GPC5: variants seen among roughly 807,000 people sequenced by gnomAD.
The protein encoded by GPC5 is glypican-5.
In GPC5, 47 loss-of-function variants were observed where a neutral mutation model predicts 53.9. The ratio of observed to expected loss-of-function variants is 0.87; its 90% CI spans 0.69 to 1.11. The LOEUF (loss-of-function observed/expected upper bound fraction) is 1.11. GPC5 is among the 50% of genes most tolerant of loss of function. The pLI is 0.00. For synonymous variants in GPC5, 286 were observed against 263.3 expected (o/e 1.09, Z -0.84); for missense variants, 748 against 713.1 (o/e 1.05, Z -0.56).
chr13:92,335,077 G>A (rs960598989), intron 7 of GPC5, among the ~76,000 whole-genome samples: 1 of 152,086 alleles, frequency 6.6e-6, no homozygotes, highest in African/African-American at 2.4e-5. Context: ...TGGGTTGGGG[G>A]GGACTCCAAC....
chr13:91,914,865 T>C (rs1219378095), intron 6 of GPC5, among the ~76,000 whole-genome samples: 4 of 152,192 alleles, frequency 2.6e-5, no homozygotes, highest in Admixed American at 1.3e-4. Flanking sequence ...ATTAAATCAC[T>C]TGCTATAAAA....
chr13:92,775,758 A>G (rs1300413335), intron 7 of GPC5, among the ~76,000 whole-genome samples: 1 of 152,208 alleles, frequency 6.6e-6, no homozygotes, highest in Non-Finnish European at 1.5e-5. Context: ...GTTCAGTTCT[A>G]AAGTCCAAAT....
At chr13:92,472,324 GA>G (rs1209582116) in intron 7 of GPC5, among the ~76,000 whole-genome samples, 1 of 152,068 alleles carries the variant, frequency 6.6e-6, no homozygotes, top group Non-Finnish European at 1.5e-5. Flanking sequence ...GCTGCTTTAA[GA>G]TACAATGTTG....
At chr13:92,550,444 G>A (rs1009690513) in intron 7 of GPC5, among the ~76,000 whole-genome samples, 34 of 151,668 alleles carry the variant, frequency 2.2e-4, no homozygotes, top group African/African-American at 8.0e-4. Context: ...TGAAGTGAGG[G>A]TGAGACTATA....
chr13:91,563,649 T>A (rs982250997), intron 2 of GPC5, among the ~76,000 whole-genome samples: 28 of 152,188 alleles, frequency 1.8e-4, no homozygotes. Context: ...TAATGAAGAA[T>A]GTACATACAC....
intron 2 of GPC5, among the ~76,000 whole-genome samples, chr13:91,570,026 T>A (rs1229943196): frequency 6.6e-6 from 1 of 152,160 alleles, no homozygotes; most frequent in Non-Finnish European, 1.5e-5. Flanking sequence ...GGTTTGTAAT[T>A]TTAGAGTGAT....
chr13:91,747,892 CTT>C, intron 4 of GPC5, among the ~76,000 whole-genome samples: 1 of 152,126 alleles, frequency 6.6e-6, no homozygotes, highest in East Asian at 1.9e-4. Context: ...TCTCATGAGT[CTT>C]TTTATTTCTC....
chr13:92,856,498 GAGAA>G lies in GPC5; in HGVS notation c.1562-9778_1562-9775del, dbSNP rs1433768119. ...TATTGAAAGTGCCACCCAGAGGAAA[GAGAA>G]AGAAATAAAAGGTATCCAAATAGGA... is the stretch of plus-strand genomic sequence containing the variant. On this transcript the variant is annotated intron_variant, in intron 7 of 7. Transcript: ENST00000377067. Among the ~76,000 whole-genome samples, 3 of 151,968 alleles carry G rather than the reference GAGAA, an allele frequency of 2.0e-5. No homozygotes were observed. The South Asian group carries it at 6.2e-4, about 32-fold the overall frequency.
chr13:92,553,372 G>A (rs1405993158), intron 7 of GPC5, among the ~76,000 whole-genome samples: 1 of 151,902 alleles, frequency 6.6e-6, no homozygotes, highest in East Asian at 1.9e-4. Context: ...CTAGATGATT[G>A]TACCAACCAA....
chr13:91,722,125 C>A (rs2036487034), intron 3 of GPC5, among the ~76,000 whole-genome samples: 1 of 151,964 alleles, frequency 6.6e-6, no homozygotes, highest in East Asian at 1.9e-4. Context: ...TAAACAAAGG[C>A]ATCTTTAAAA....
intron 2 of GPC5, among the ~76,000 whole-genome samples, chr13:91,501,980 A>G (rs928159164): frequency 7.9e-5 from 12 of 152,066 alleles, no homozygotes; most frequent in African/African-American, 2.2e-4. Context: ...TTTGATTTGC[A>G]TTTCTCTGAT....
chr13:92,703,566 A>G (rs1249842290), intron 7 of GPC5, among the ~76,000 whole-genome samples: 1 of 108,504 alleles, frequency 9.2e-6, no homozygotes, highest in Non-Finnish European at 2.0e-5. Context: ...GAAAAGGGTT[A>G]ATATTATATA....
chr13:91,637,929 C>G (rs1325885542), intron 2 of GPC5, among the ~76,000 whole-genome samples: 1 of 152,158 alleles, frequency 6.6e-6, no homozygotes, highest in African/African-American at 2.4e-5. Flanking sequence ...TCCTGTGTTC[C>G]CTCTATAAAT....
intron 7 of GPC5, among the ~76,000 whole-genome samples, chr13:92,527,224 AG>A (rs1881370222): frequency 2.6e-5 from 1 of 39,020 alleles, no homozygotes; most frequent in Admixed American, 3.3e-4. Flanking sequence ...AAAGAAAGAA[AG>A]AAAGAAAGAA....
At chr13:91,660,941 G>A (rs1288695005) in intron 2 of GPC5, among the ~76,000 whole-genome samples, 1 of 152,140 alleles carries the variant, frequency 6.6e-6, no homozygotes, top group Non-Finnish European at 1.5e-5. Flanking sequence ...ACAAGGCAAT[G>A]TGCTGTCACT....
chr13:92,122,737 A>G (rs1446482803), intron 6 of GPC5, among the ~76,000 whole-genome samples: 2 of 104,456 alleles, frequency 1.9e-5, no homozygotes, highest in African/African-American at 7.8e-5. Context: ...CCTATAGGTC[A>G]GTCTTTTTTT....
At chr13:92,488,905 T>C (rs1879658371) in intron 7 of GPC5, among the ~76,000 whole-genome samples, 2 of 152,208 alleles carry the variant, frequency 1.3e-5, no homozygotes, top group Admixed American at 1.3e-4. Context: ...TAAAGGCAGT[T>C]ACTAACAAAT....
At chr13:91,982,902 G>A (rs2040372459) in intron 6 of GPC5, among the ~76,000 whole-genome samples, 1 of 152,144 alleles carries the variant, frequency 6.6e-6, no homozygotes, top group Admixed American at 6.5e-5. Context: ...TTTACTCACA[G>A]ACACATACTA....
intron 2 of GPC5, among the ~76,000 whole-genome samples, chr13:91,474,977 GA>G (rs1201869830): frequency 6.6e-6 from 1 of 152,084 alleles, no homozygotes; most frequent in Non-Finnish European, 1.5e-5. Flanking sequence ...ACATAAACAA[GA>G]AGTCAAGCAT....
Sources: allele counts gnomAD v4.1 joint callset (sites outside exome capture counted in the v4.1 genomes callset), GRCh38; gene constraint gnomAD v4.1.1; transcripts MANE v1.5; gene names NCBI Gene and HGNC (gene_info 2026-07-23, HGNC 2026-07-21).